Variants in EFNB2 observed in about 807,000 individuals in gnomAD.
EFNB2 encodes the protein ephrin-B2.
Under a neutral mutation model 32.1 loss-of-function variants are expected in EFNB2, and 5 were observed. The observed-to-expected ratio is 0.16, with a 90% confidence interval of 0.08 to 0.33. EFNB2 has a LOEUF of 0.33. EFNB2 is among the 10% of genes least tolerant of loss of function. EFNB2 has a pLI of 1.00. For synonymous variants in EFNB2, 168 were observed against 166.5 expected (o/e 1.01, Z -0.07); for missense variants, 263 against 422.6 (o/e 0.62, Z 3.31).
At chr13:106,531,903 A>G (rs1879883350) in intron 1 of EFNB2, among the ~76,000 whole-genome samples, 1 of 152,184 alleles carries the variant, frequency 6.6e-6, no homozygotes, top group Non-Finnish European at 1.5e-5. Context: ...ACACCATACC[A>G]ATACAGATTT....
chr13:106,492,982 G>C lies in EFNB2; in HGVS notation c.*58C>G. The C allele has an allele frequency of 6.5e-7, 1 of 1,539,932 alleles. No homozygotes were observed. Among genetic ancestry groups the C allele is most frequent in the Non-Finnish European group, 8.7e-7 (1 of 1,143,224 alleles). ...GCACGCGGGCTCTCAAACCCTCAAG[G>C]GAGGCATCGGGACATTAGGTGTCCT... On this transcript the variant is annotated 3_prime_UTR_variant, in exon 5 of 5. Transcript: ENST00000646441. This position sits in a 1 kb window ranked among gnomAD's most constrained non-coding sequence, Gnocchi z 5.1.
chr13:106,517,046 G>A (rs4772795), intron 1 of EFNB2: 112,771 of 152,048 alleles, frequency 0.74, 41,985 homozygotes, highest in South Asian at 0.78. Flanking sequence ...GAATTCTGTT[G>A]CTTTGATTGC....
chr13:106,515,296 C>G (rs1470996028), intron 1 of EFNB2, among the ~76,000 whole-genome samples: 1 of 152,134 alleles, frequency 6.6e-6, no homozygotes, highest in African/African-American at 2.4e-5. Context: ...ACACGCCAGG[C>G]CTTCCTTGAT....
chr13:106,532,074 AAAACC>A (rs761060829), intron 1 of EFNB2, among the ~76,000 whole-genome samples: 32,733 of 93,808 alleles, frequency 0.35, 4,365 homozygotes, highest in East Asian at 0.43. Flanking sequence ...AAACAAAAAA[AAAACC>A]AAAACTTTAA....
At chr13:106,513,197 T>C (rs1287059938) in intron 1 of EFNB2, among the ~76,000 whole-genome samples, 1 of 152,224 alleles carries the variant, frequency 6.6e-6, no homozygotes, top group Non-Finnish European at 1.5e-5. Flanking sequence ...TTTAGTTTAT[T>C]GGGCATGCCA....
At chr13:106,523,552 C>A (rs927746814) in intron 1 of EFNB2, among the ~76,000 whole-genome samples, 51 of 152,162 alleles carry the variant, frequency 3.4e-4, no homozygotes, top group African/African-American at 1.1e-3. Flanking sequence ...AGACCTCTGG[C>A]CGGCGGCTGC....
intron 1 of EFNB2, among the ~76,000 whole-genome samples, chr13:106,515,226 T>G (rs1451911180): frequency 6.6e-6 from 1 of 152,180 alleles, no homozygotes; most frequent in African/African-American, 2.4e-5. Context: ...TTTGAGGCCA[T>G]ATTTTCAGAA....
chr13:106,512,392 A>AAAAG, intron 2 of EFNB2, 137 bp downstream of exon 2: 4 of 300,378 alleles, frequency 1.3e-5, no homozygotes, highest in South Asian at 1.3e-4. Context: ...AAAAAAAAAA[A>AAAAG]GGGGGGGGGG....
At chr13:106,525,429 G>A (rs1195126463) in intron 1 of EFNB2, among the ~76,000 whole-genome samples, 1 of 152,216 alleles carries the variant, frequency 6.6e-6, no homozygotes, top group Non-Finnish European at 1.5e-5. Context: ...TGAACAGGTA[G>A]CTGAAATCAG....
Position 106,493,099 on chromosome 13 carries a change from C to T in EFNB2, c.943G>A (p.Val315Met). 6.2e-7 allele frequency: 1 copy of T among 1,613,994 alleles called. No individual in the cohort carries two copies. The highest frequency in any genetic ancestry group is 8.5e-7 in the Non-Finnish European group (1 of 1,180,024). The change falls in exon 5 of 5, where the codon GTG becomes ATG. Residue 315 changes from valine to methionine, a missense_variant. By Grantham distance (21) the Val-to-Met change is conservative. Around this residue, in one of 3 missense-constraint regions of EFNB2, gnomAD observed 172 missense variants for 237.1 expected, o/e 0.73. Coordinates refer to ENST00000646441, the MANE Select transcript of EFNB2 (RefSeq NM_004093.4). This position sits in a 1 kb window ranked among gnomAD's most constrained non-coding sequence, Gnocchi z 6.1. ...EKVSGDYGHP[V>M]YIVQEMPPQS... is the part of the protein sequence containing the mutation. ...GGGGGCATCTCCTGGACGATGTACA[C>T]CGGGTGCCCGTAGTCCCCGCTGACC...
chr13:106,499,853 G>T (rs772192705), intron 2 of EFNB2, among the ~76,000 whole-genome samples: 2 of 152,178 alleles, frequency 1.3e-5, no homozygotes, highest in Non-Finnish European at 2.9e-5. Flanking sequence ...ACTGCATGTA[G>T]TAAGTATATA....
chr13:106,512,707 A>G lies in EFNB2; in HGVS notation c.228T>C (p.Tyr76=). Residue 76 remains tyrosine, a synonymous_variant, in exon 2 of 5, where the codon TAT becomes TAC. Coordinates refer to ENST00000646441, the MANE Select transcript of EFNB2 (RefSeq NM_004093.4). ...DSKTVGQYEY[Y]KVYMVDKDQA... Reference sequence around the variant, plus strand: ...GGTCTTTATCAACCATATAAACTTTATAATATTCATACTGGCCAACAGTTT... The same window carrying G: ...GGTCTTTATCAACCATATAAACTTTGTAATATTCATACTGGCCAACAGTTT... The G allele has an allele frequency of 6.2e-7, 1 of 1,613,834 alleles. No individual in the cohort carries two copies. The highest frequency in any genetic ancestry group is 8.5e-7 in the Non-Finnish European group (1 of 1,179,934).
At chr13:106,515,818 G>A (rs925019993) in intron 1 of EFNB2, among the ~76,000 whole-genome samples, 11 of 152,018 alleles carry the variant, frequency 7.2e-5, no homozygotes, top group African/African-American at 2.4e-4. Flanking sequence ...TCTGCCTCCC[G>A]GGAACTCTCA....
intron 2 of EFNB2, among the ~76,000 whole-genome samples, chr13:106,501,426 T>A (rs1408343551): frequency 6.6e-6 from 1 of 152,164 alleles, no homozygotes; most frequent in African/African-American, 2.4e-5. Flanking sequence ...TCCGAGGGCC[T>A]CATTATTCTT....
At chr13:106,504,777 C>CA (rs1878895373) in intron 2 of EFNB2, among the ~76,000 whole-genome samples, 1 of 152,138 alleles carries the variant, frequency 6.6e-6, no homozygotes, top group African/African-American at 2.4e-5. Context: ...AGCCAGCCAA[C>CA]AAAACTGCTG....
intron 2 of EFNB2, among the ~76,000 whole-genome samples, chr13:106,503,894 AAAG>A: frequency 6.6e-6 from 1 of 152,374 alleles, no homozygotes; most frequent in East Asian, 1.9e-4. Flanking sequence ...TTTTTAAAGA[AAAG>A]AATAATGTAA....
intron 1 of EFNB2, among the ~76,000 whole-genome samples, chr13:106,531,131 T>C (rs1273880709): frequency 1.3e-5 from 2 of 152,242 alleles, no homozygotes; most frequent in Non-Finnish European, 2.9e-5. Flanking sequence ...GTAAAAGATT[T>C]AGAACCAGGT....
Position 106,518,638 on chromosome 13 carries a change from G to GTGGTCGCCTGATC in EFNB2, c.123-5839_123-5827dup, listed in dbSNP as rs1879396017. The GTGGTCGCCTGATC allele has an allele frequency of 6.6e-6, 1 of 152,276 alleles. No individual in the cohort carries two copies. The highest frequency in any genetic ancestry group is 1.5e-5 in the Non-Finnish European group (1 of 68,098). 9.4% of individuals were successfully genotyped at this position (152,276 alleles called of 1,614,324 possible). A position where few individuals can be genotyped will look rare whatever the true frequency, so the allele number is the denominator to read the frequency against. On this transcript the variant is annotated intron_variant, in intron 1 of 4. Transcript: ENST00000646441. The surrounding 1 kb of genome is among the most constrained non-coding windows in gnomAD (Gnocchi z 4.1). ...GGTGCCTGGGAAATGGACGGAGGCA[G>GTGGTCGCCTGATC]TGGTCGCCTGATCTATTTCTGCACT...
At chr13:106,525,999 G>T (rs1171149322) in intron 1 of EFNB2, among the ~76,000 whole-genome samples, 1 of 148,054 alleles carries the variant, frequency 6.8e-6, no homozygotes, top group African/African-American at 2.5e-5. Flanking sequence ...TAGGGCGAGG[G>T]TTCTCAGCAT....
Sources: allele counts gnomAD v4.1 joint callset (sites outside exome capture counted in the v4.1 genomes callset), GRCh38; gene constraint gnomAD v4.1.1; regional missense constraint gnomAD v4.1.1; non-coding constraint Gnocchi (gnomAD v3.1); transcripts MANE v1.5; gene names NCBI Gene and HGNC (gene_info 2026-07-23, HGNC 2026-07-21).